SHISA9: variants seen among roughly 807,000 people sequenced by gnomAD.
SHISA9 encodes the protein protein shisa-9.
A neutral mutation model predicts 38.0 loss-of-function variants in SHISA9; 13 were observed. That is an observed-to-expected ratio of 0.34 (90% CI 0.22 to 0.54). The LOEUF (loss-of-function observed/expected upper bound fraction) is 0.54. SHISA9 is among the 20% of genes least tolerant of loss of function. SHISA9 has a pLI of 0.91. For synonymous variants in SHISA9, 275 were observed against 242.0 expected, an observed-to-expected ratio of 1.14 and a Z score of -1.27; for missense variants, 538 against 575.8, an observed-to-expected ratio of 0.93 and a Z score of 0.67.
intron 2 of SHISA9, among the ~76,000 whole-genome samples, chr16:13,173,588 C>T (rs576671922): frequency 1.2e-4 from 18 of 152,182 alleles, no homozygotes; most frequent in Admixed American, 4.6e-4. Flanking sequence ...GGATATTTAA[C>T]AATGCCTAGA....
intron 2 of SHISA9, among the ~76,000 whole-genome samples, chr16:13,102,755 T>C (rs1262981597): frequency 6.6e-6 from 1 of 152,216 alleles, no homozygotes; most frequent in Non-Finnish European, 1.5e-5. Context: ...TCACTCTCCA[T>C]GACTTGTTTT....
intron 2 of SHISA9, among the ~76,000 whole-genome samples, chr16:12,985,586 C>A (rs2072297777): frequency 6.6e-6 from 1 of 152,166 alleles, no homozygotes; most frequent in Non-Finnish European, 1.5e-5. Context: ...AGTGAATTAC[C>A]TAATAAAAGT....
At chr16:13,293,080 A>T in the SHISA9 span, among the ~76,000 whole-genome samples, 1 of 152,190 alleles carries the variant, frequency 6.6e-6, no homozygotes, top group Admixed American at 6.5e-5. Flanking sequence ...TTACTGGAGC[A>T]ATCAATGAGA....
At chr16:13,228,176 G>A (rs1224707780) in intron 4 of SHISA9, among the ~76,000 whole-genome samples, 2 of 152,140 alleles carry the variant, frequency 1.3e-5, no homozygotes, top group Non-Finnish European at 2.9e-5. Context: ...TCTCATTCCA[G>A]AGCCTGCAGA....
chr16:13,053,211 C>T (rs148851686), intron 2 of SHISA9, among the ~76,000 whole-genome samples: 273 of 151,776 alleles, frequency 1.8e-3, no homozygotes, highest in Non-Finnish European at 3.0e-3. Context: ...GATCCGCCCA[C>T]CTCGGCCTCC....
chr16:13,017,042 C>T (rs12925352), intron 2 of SHISA9, among the ~76,000 whole-genome samples: 11,733 of 148,672 alleles, frequency 0.079, 606 homozygotes, highest in East Asian at 0.27. Context: ...TTTTTTGAGA[C>T]GGAGTCTTGC....
intron 2 of SHISA9, among the ~76,000 whole-genome samples, chr16:12,978,717 T>A (rs1219273651): frequency 6.6e-6 from 1 of 152,232 alleles, no homozygotes; most frequent in Non-Finnish European, 1.5e-5. Flanking sequence ...TTTCTGTGTT[T>A]AAGGAGATGA....
At chr16:13,102,600 GA>G (rs1220025759) in intron 2 of SHISA9, among the ~76,000 whole-genome samples, 1 of 152,118 alleles carries the variant, frequency 6.6e-6, no homozygotes, top group Non-Finnish European at 1.5e-5. Context: ...TTGCAGCTGG[GA>G]CTCTGGGAAC....
chr16:13,377,948 G>A, the SHISA9 span, among the ~76,000 whole-genome samples: 10 of 152,262 alleles, frequency 6.6e-5, no homozygotes, highest in East Asian at 3.9e-4. Context: ...TGGGAGAATC[G>A]CTTGAACCTG....
the SHISA9 span, among the ~76,000 whole-genome samples, chr16:13,406,335 C>G: frequency 6.6e-6 from 1 of 152,214 alleles, no homozygotes; most frequent in Non-Finnish European, 1.5e-5. Context: ...CAATGTTACT[C>G]TTAACTTTCC....
chr16:13,457,836 A>G, the SHISA9 span, among the ~76,000 whole-genome samples: 5,942 of 152,098 alleles, frequency 0.039, 235 homozygotes, highest in East Asian at 0.21. Context: ...ATGAATAATC[A>G]CATATGAGAA....
At chr16:12,979,644 C>G (rs922326304) in intron 2 of SHISA9, among the ~76,000 whole-genome samples, 4 of 152,082 alleles carry the variant, frequency 2.6e-5, no homozygotes, top group African/African-American at 9.7e-5. Context: ...GTGTATCATG[C>G]TGTATATTAT....
At chr16:13,422,068 G>A in the SHISA9 span, among the ~76,000 whole-genome samples, 1 of 152,116 alleles carries the variant, frequency 6.6e-6, no homozygotes, top group Non-Finnish European at 1.5e-5. Flanking sequence ...AAGTGGAGCT[G>A]GTCAGCTTTT....
chr16:13,490,971 G>A, the SHISA9 span, among the ~76,000 whole-genome samples: 44,266 of 152,012 alleles, frequency 0.29, 6,923 homozygotes, highest in East Asian at 0.37. Context: ...ATCAAAGGCT[G>A]TATTGCTGCA....
chr16:12,924,851 A>T (rs554242715), intron 2 of SHISA9, among the ~76,000 whole-genome samples: 2 of 152,312 alleles, frequency 1.3e-5, no homozygotes, highest in South Asian at 2.1e-4. Flanking sequence ...GTACTTGTTC[A>T]CTGTGCAGTC....
chr16:13,434,498 A>G, the SHISA9 span, among the ~76,000 whole-genome samples: 1 of 147,004 alleles, frequency 6.8e-6, no homozygotes, highest in South Asian at 2.2e-4. Flanking sequence ...GCTCACTGCA[A>G]GCTCCGCCTC....
the SHISA9 span, among the ~76,000 whole-genome samples, chr16:13,271,268 C>T: frequency 6.6e-6 from 1 of 152,144 alleles, no homozygotes; most frequent in Non-Finnish European, 1.5e-5. Context: ...ACCTGTTGGA[C>T]TCTGTAGAAC....
intron 4 of SHISA9, among the ~76,000 whole-genome samples, chr16:13,229,407 G>A (rs55734996): frequency 0.12 from 19,003 of 152,166 alleles, 1,475 homozygotes; most frequent in Admixed American, 0.27. Context: ...AGGCAGCTGG[G>A]CATAATAGGA....
intron 2 of SHISA9, among the ~76,000 whole-genome samples, chr16:13,103,744 C>T (rs1209319201): frequency 6.6e-6 from 1 of 152,222 alleles, no homozygotes; most frequent in Non-Finnish European, 1.5e-5. Context: ...CTGCATTCAT[C>T]TCATAGTGTC....
Sources: allele counts gnomAD v4.1 joint callset (sites outside exome capture counted in the v4.1 genomes callset), GRCh38; gene constraint gnomAD v4.1.1; transcripts MANE v1.5; gene names NCBI Gene and HGNC (gene_info 2026-07-23, HGNC 2026-07-21).